GRWD1: variants seen among roughly 807,000 people sequenced by gnomAD.
GRWD1 encodes glutamate rich WD repeat containing 1, also known as glutamate-rich WD repeat-containing protein 1.
Under a neutral mutation model 45.3 loss-of-function variants are expected in GRWD1, and 29 were observed. The observed-to-expected ratio is 0.64, with a 90% CI of 0.48 to 0.87. The LOEUF (loss-of-function observed/expected upper bound fraction) is 0.87. Among genes scored for constraint, GRWD1 ranks in the 40% least tolerant of loss-of-function variants. GRWD1 has a pLI of 0.00. For synonymous variants in GRWD1, 262 were observed against 257.6 expected (o/e 1.02, Z -0.16); for missense variants, 592 against 618.8 (o/e 0.96, Z 0.46).
At chr19:48,446,934 CTTTTTT>C (rs752488198) in intron 3 of GRWD1, 91 bp downstream of exon 3, 137 of 606,360 alleles carry the variant, frequency 2.3e-4, no homozygotes, top group Admixed American at 5.4e-4. Context: ...TCCTCATGTT[CTTTTTT>C]TTTTTTTTTT....
chr19:48,449,474 G>T (rs1020118616), intron 3 of GRWD1, among the ~76,000 whole-genome samples: 2 of 152,200 alleles, frequency 1.3e-5, no homozygotes, highest in African/African-American at 4.8e-5. Flanking sequence ...GGGGCCTGAG[G>T]TGGAGAGAGA....
Position 48,450,266 on chromosome 19 carries a change from C to T in GRWD1, c.469-47C>T. On this transcript the variant is annotated intron_variant, in intron 3 of 6. Coordinates refer to ENST00000253237, the MANE Select transcript of GRWD1 (RefSeq NM_031485.4). The surrounding 1 kb of genome is among the most constrained non-coding windows in gnomAD (Gnocchi z 5.1). ...AGCGTGGGGTCAGTGCCTTGATCCT[C>T]CTCTCCCCTCGCTTCACATCACCCT... is the stretch of plus-strand genomic sequence containing the variant. 1 of 1,473,864 alleles carries T rather than the reference C, an allele frequency of 6.8e-7. No individual in the cohort carries two copies. Among genetic ancestry groups the T allele is most frequent in the South Asian group, 1.2e-5 (1 of 84,802 alleles). 91.3% of individuals were successfully genotyped at this position (1,473,864 alleles called of 1,614,324 possible).
Position 48,446,092 on chromosome 19 carries a change from G to T in GRWD1, c.87G>T (p.Pro29=). ...CCGGCGACACAAGTTCCGAGGGCCCGGCCCAGGTCTACCTGCCCGGCCGGG... is the reference window on the plus strand; with the variant it reads ...CCGGCGACACAAGTTCCGAGGGCCCTGCCCAGGTCTACCTGCCCGGCCGGG... ...AESGDTSSEG[P]AQVYLPGRGP... The change falls in exon 1 of 7, where the codon CCG becomes CCT. Residue 29 remains proline, a synonymous_variant. Transcript: ENST00000253237. 6.3e-7 allele frequency: 1 copy of T among 1,595,500 alleles called. No individual in the cohort carries two copies. Among genetic ancestry groups the T allele is most frequent in the East Asian group, 2.3e-5 (1 of 44,222 alleles).
rs1270611526 is a variant in GRWD1 at position 48,452,564 on chromosome 19, C to T, written c.1024-144C>T. On this transcript the variant is annotated intron_variant, in intron 6 of 6. Coordinates refer to ENST00000253237, the MANE Select transcript of GRWD1 (RefSeq NM_031485.4). The surrounding 1 kb of genome is among the most constrained non-coding windows in gnomAD (Gnocchi z 5.1). ...AGCCAGAATTACCCTGTGTCCCTTTCCTGGACTCTGGGCTTGTGAGGGCTT... is the reference window on the plus strand; with the variant it reads ...AGCCAGAATTACCCTGTGTCCCTTTTCTGGACTCTGGGCTTGTGAGGGCTT... 3.0e-6 allele frequency: 2 copies of T among 675,946 alleles called. No homozygotes were observed. Among genetic ancestry groups the T allele is most frequent in the Non-Finnish European group, 5.0e-6 (2 of 400,608 alleles). The allele number at this position is 675,946 out of a possible 1,614,324, so 41.9% of individuals were successfully genotyped here.
At position 48,454,831 on chromosome 19, in the gene GRWD1, AGTCT is replaced by A. The variant is rs1569081329; in HGVS notation, c.*1815_*1818del. Reference sequence around the variant, plus strand: ...TCCATCCTTTCAGAGAAACCCTCTCAGTCTGTCTGTCTCTGTCTCTGTCTCTCTC... The same window carrying A: ...TCCATCCTTTCAGAGAAACCCTCTCAGTCTGTCTCTGTCTCTGTCTCTCTC... On this transcript the variant is annotated 3_prime_UTR_variant, in exon 7 of 7. Coordinates refer to ENST00000253237, the MANE Select transcript of GRWD1 (RefSeq NM_031485.4). 6.6e-6 allele frequency: 1 copy of A among 151,880 alleles called. No homozygotes were observed. Among genetic ancestry groups the A allele is most frequent in the Non-Finnish European group, 1.5e-5 (1 of 68,038 alleles). The allele number at this position is 151,880 out of a possible 1,614,324, so 9.4% of individuals were successfully genotyped here.
In GRWD1 at chr19:48,446,535, C is replaced by G. The variant is rs115286916; in HGVS notation, c.305+33C>G. On this transcript the variant is annotated intron_variant, in intron 2 of 6. Coordinates refer to ENST00000253237, the MANE Select transcript of GRWD1 (RefSeq NM_031485.4). Reference sequence around the variant, plus strand: ...CCGAGGCTTTTCCAGGACCAGGAGGCTCAGTTTCCAGCCCCTTCCTCAGCA... The same window carrying G: ...CCGAGGCTTTTCCAGGACCAGGAGGGTCAGTTTCCAGCCCCTTCCTCAGCA... 1,655 of 1,604,056 alleles carry G rather than the reference C, an allele frequency of 1.0e-3. 15 individuals are homozygous for G. The African/African-American group carries it at 0.02, about 19-fold the overall frequency.
In GRWD1 at chr19:48,452,576, G is replaced by A. The variant is rs146314659; in HGVS notation, c.1024-132G>A. On this transcript the variant is annotated intron_variant, in intron 6 of 6. Transcript: ENST00000253237. This position sits in a 1 kb window ranked among gnomAD's most constrained non-coding sequence, Gnocchi z 5.1. ...CCTGTGTCCCTTTCCTGGACTCTGG[G>A]CTTGTGAGGGCTTAAGGGGTGGGGC... The A allele has an allele frequency of 1.8e-5, 13 of 732,038 alleles. No individual in the cohort carries two copies. The highest frequency in any genetic ancestry group is 4.1e-4 in the Middle Eastern group (1 of 2,440). 45.3% of individuals were successfully genotyped at this position (732,038 alleles called of 1,614,324 possible).
chr19:48,449,081 G>A (rs1036429439), intron 3 of GRWD1, among the ~76,000 whole-genome samples: 8 of 152,134 alleles, frequency 5.3e-5, no homozygotes, highest in Middle Eastern at 3.2e-3. Context: ...TCATGAGAAG[G>A]GGGTTGGAAG....
chr19:48,452,680 G>C lies in GRWD1; in HGVS notation c.1024-28G>C. 6.5e-7 allele frequency: 1 copy of C among 1,531,910 alleles called. No individual in the cohort carries two copies. Among genetic ancestry groups the C allele is most frequent in the Admixed American group, 1.9e-5 (1 of 52,490 alleles). The allele number at this position is 1,531,910 out of a possible 1,614,324, so 94.9% of individuals were successfully genotyped here. ...CCAGAGTCAGGCTGAGGCATTCAGA[G>C]CCCGTTCCTCCCATCCTCTCCCTCT... is the stretch of plus-strand genomic sequence containing the variant. On this transcript the variant is annotated intron_variant, in intron 6 of 6. Coordinates refer to ENST00000253237, the MANE Select transcript of GRWD1 (RefSeq NM_031485.4). The surrounding 1 kb of genome is among the most constrained non-coding windows in gnomAD (Gnocchi z 5.1).
intron 3 of GRWD1, among the ~76,000 whole-genome samples, chr19:48,449,335 G>A (rs948507046): frequency 1.3e-5 from 2 of 152,062 alleles, no homozygotes; most frequent in Non-Finnish European, 2.9e-5. Flanking sequence ...CAGGCAGTCT[G>A]CCCTCCTCGG....
Position 48,453,344 on chromosome 19 carries a change from G to C in GRWD1, c.*319G>C. 4.0e-6 allele frequency: 1 copy of C among 252,922 alleles called. No homozygotes were observed. Among genetic ancestry groups the C allele is most frequent in the Non-Finnish European group, 7.5e-6 (1 of 132,534 alleles). 15.7% of individuals were successfully genotyped at this position (252,922 alleles called of 1,614,324 possible). A position where few individuals can be genotyped will look rare whatever the true frequency, so the allele number is the denominator to read the frequency against. ...CTGTGTCCCCAGAACCCAGTTTTTT[G>C]TTTGTTTGTTTGAGACGGAGTCTTG... On this transcript the variant is annotated 3_prime_UTR_variant, in exon 7 of 7. Transcript: ENST00000253237.
chr19:48,451,433 C>T (rs968165003), intron 6 of GRWD1, among the ~76,000 whole-genome samples: 3 of 152,228 alleles, frequency 2.0e-5, no homozygotes, highest in Admixed American at 1.3e-4. Flanking sequence ...CTCTTGGGGT[C>T]ACTCACTCTA....
intron 2 of GRWD1, 45 bp downstream of exon 2, chr19:48,446,547 C>A: frequency 6.3e-7 from 1 of 1,596,752 alleles, no homozygotes; most frequent in Non-Finnish European, 8.6e-7. Context: ...CAGTTTCCAG[C>A]CCCTTCCTCA....
chr19:48,446,513 A>G lies in GRWD1; in HGVS notation c.305+11A>G. ...CGCCCAGAGCAACAGGTAAGACCCGAGGCTTTTCCAGGACCAGGAGGCTCA... is the reference window on the plus strand; with the variant it reads ...CGCCCAGAGCAACAGGTAAGACCCGGGGCTTTTCCAGGACCAGGAGGCTCA... On this transcript the variant is annotated intron_variant, in intron 2 of 6. Coordinates refer to ENST00000253237, the MANE Select transcript of GRWD1 (RefSeq NM_031485.4). 6.2e-7 allele frequency: 1 copy of G among 1,610,638 alleles called. No individual in the cohort carries two copies. The highest frequency in any genetic ancestry group is 8.5e-7 in the Non-Finnish European group (1 of 1,176,928).
At position 48,450,898 on chromosome 19, in the gene GRWD1, G is replaced by A; in HGVS notation, c.825+90G>A. The A allele has an allele frequency of 6.6e-7, 1 of 1,507,514 alleles. No individual in the cohort carries two copies. Among genetic ancestry groups the A allele is most frequent in the Middle Eastern group, 1.9e-4 (1 of 5,304 alleles). 93.4% of individuals were successfully genotyped at this position (1,507,514 alleles called of 1,614,324 possible). ...TAGGTCTGAGGGAAAAGAGGGCTGG[G>A]AGCCTGACGGAGGTTTAGTTTCCAG... On this transcript the variant is annotated intron_variant, in intron 5 of 6. Transcript: ENST00000253237. The surrounding 1 kb of genome is among the most constrained non-coding windows in gnomAD (Gnocchi z 5.1).
rs780674014 is a variant in GRWD1, at chr19:48,450,994, C to CT, written c.826-39dup. The CT allele has an allele frequency of 2.5e-6, 4 of 1,589,454 alleles. No individual in the cohort carries two copies. The South Asian group carries it at 3.3e-5, about 13-fold the overall frequency. On this transcript the variant is annotated intron_variant, in intron 5 of 6. Transcript: ENST00000253237. This position sits in a 1 kb window ranked among gnomAD's most constrained non-coding sequence, Gnocchi z 5.1. ...GCTGGCGCTTGGGCTTCACTGCGGG[C>CT]TGGGGGGCATTGGGACCACTCAGAC...
rs1397390831 is a variant in GRWD1, at chr19:48,446,849, T to G, written c.468+6T>G. 1 of 1,611,274 alleles carries G rather than the reference T, an allele frequency of 6.2e-7. No homozygotes were observed. Among genetic ancestry groups the G allele is most frequent in the South Asian group, 1.1e-5 (1 of 90,934 alleles). On this transcript the variant is annotated splice_donor_region_variant and intron_variant, in intron 3 of 6. Transcript: ENST00000253237. ...GTGGCATCAACCGAGTTCGGGTAAG[T>G]ATGGTCCCAGGAGCCTGCTCTGCAT...
chr19:48,449,318 C>T (rs1971444714), intron 3 of GRWD1, among the ~76,000 whole-genome samples: 1 of 152,140 alleles, frequency 6.6e-6, no homozygotes, highest in African/African-American at 2.4e-5. Flanking sequence ...GGTCTCGCTC[C>T]TGACCTCAGG....
In GRWD1 at chr19:48,454,880, A is replaced by G. The variant is rs1305164649; in HGVS notation, c.*1855A>G. 1 of 144,274 alleles carries G rather than the reference A, an allele frequency of 6.9e-6. No individual in the cohort carries two copies. Among genetic ancestry groups the G allele is most frequent in the East Asian group, 2.0e-4 (1 of 4,906 alleles). The allele number at this position is 144,274 out of a possible 1,614,324, so 8.9% of individuals were successfully genotyped here. A position where few individuals can be genotyped will look rare whatever the true frequency, so the allele number is the denominator to read the frequency against. The stretch of plus-strand genomic sequence containing the variant: ...TCTCTCCCCCATCTCTGTCTCTCCC[A>G]TCTCTCTCTGCCTCTCTCTGTCTTC... On this transcript the variant is annotated 3_prime_UTR_variant, in exon 7 of 7. Transcript: ENST00000253237.
Sources: allele counts gnomAD v4.1 joint callset (sites outside exome capture counted in the v4.1 genomes callset), GRCh38; gene constraint gnomAD v4.1.1; non-coding constraint Gnocchi (gnomAD v3.1); transcripts MANE v1.5; gene names NCBI Gene and HGNC (gene_info 2026-07-23, HGNC 2026-07-21).